PDZD2: variants seen among roughly 807,000 people sequenced by gnomAD.
PDZD2 encodes PDZ domain containing 2.
A neutral mutation model predicts 220.7 loss-of-function variants in PDZD2; 90 were observed. The ratio of observed to expected loss-of-function variants is 0.41; its 90% CI spans 0.34 to 0.49. The LOEUF (loss-of-function observed/expected upper bound fraction) is 0.49, where lower values mean the gene tolerates loss of function less well. Among genes scored for constraint, PDZD2 ranks in the 20% least tolerant of loss-of-function variants. PDZD2 has a pLI of 0.28. For missense variants in PDZD2, 3,174 were observed against 3,608.5 expected, an observed-to-expected ratio of 0.88 and a Z score of 3.08; for synonymous variants, 1,375 against 1,450.5, an observed-to-expected ratio of 0.95 and a Z score of 1.18.
chr5:31,888,136 CCTTTT>C (rs1202570533), intron 2 of PDZD2, among the ~76,000 whole-genome samples: 1 of 151,936 alleles, frequency 6.6e-6, no homozygotes, highest in Non-Finnish European at 1.5e-5. Flanking sequence ...TGTTTTGTTT[CCTTTT>C]CTTTTTCTTT....
intron 8 of PDZD2, among the ~76,000 whole-genome samples, chr5:32,049,960 G>A (rs762559082): frequency 6.6e-6 from 1 of 152,138 alleles, no homozygotes; most frequent in Non-Finnish European, 1.5e-5. Flanking sequence ...TTGAGACTGA[G>A]TCTCACTCTG....
At position 32,069,622 on chromosome 5, in the gene PDZD2, C is replaced by A; in HGVS notation, c.2505C>A (p.Ser835Arg). 6.3e-7 allele frequency: 1 copy of A among 1,576,706 alleles called. No individual in the cohort carries two copies. The highest frequency in any genetic ancestry group is 8.7e-7 in the Non-Finnish European group (1 of 1,145,814). Residue 835 changes from serine (S) to arginine (R), a missense_variant, in exon 15 of 25, where the codon AGC becomes AGA. Transcript: ENST00000438447. ...TAGCACGCAGCACTTATCAGGAGAGCAAAGAGGCCAATTCCTCTCCTGGCT... is the reference window on the plus strand; with the variant it reads ...TAGCACGCAGCACTTATCAGGAGAGAAAAGAGGCCAATTCCTCTCCTGGCT... ...EVIARSTYQESKEANSSPGLG... is the reference protein window; with the variant it reads ...EVIARSTYQERKEANSSPGLG...
chr5:32,095,889 C>T (rs283105), intron 21 of PDZD2, among the ~76,000 whole-genome samples: 2,086 of 150,800 alleles, frequency 0.014, 62 homozygotes, highest in African/African-American at 0.048. Flanking sequence ...TACTGGTGCC[C>T]GCCACCATGC....
chr5:31,876,269 G>A (rs1276232748), intron 2 of PDZD2, among the ~76,000 whole-genome samples: 1 of 149,542 alleles, frequency 6.7e-6, no homozygotes, highest in Non-Finnish European at 1.5e-5. Flanking sequence ...AAAGGAATGC[G>A]CTTGATTTTT....
chr5:31,812,932 G>T (rs538173400), intron 2 of PDZD2, among the ~76,000 whole-genome samples: 35 of 152,126 alleles, frequency 2.3e-4, no homozygotes, highest in Non-Finnish European at 5.0e-4. Flanking sequence ...AAATGACTGG[G>T]TTAACACTTT....
chr5:31,653,080 T>A (rs1037650103), intron 1 of PDZD2, among the ~76,000 whole-genome samples: 9 of 152,122 alleles, frequency 5.9e-5, no homozygotes, highest in Non-Finnish European at 1.0e-4. Flanking sequence ...TGCTGGTGAC[T>A]TGGAACTGGC....
intron 7 of PDZD2, among the ~76,000 whole-genome samples, chr5:32,043,673 G>A (rs1309176021): frequency 6.6e-6 from 1 of 152,140 alleles, no homozygotes; most frequent in African/African-American, 2.4e-5. Flanking sequence ...TGTCTCCCAG[G>A]CTGGAGCACG....
At chr5:31,791,693 T>A (rs1753741679) in intron 1 of PDZD2, among the ~76,000 whole-genome samples, 1 of 151,502 alleles carries the variant, frequency 6.6e-6, no homozygotes, top group South Asian at 2.1e-4. Context: ...TCAGTCAACA[T>A]GTAAATGACT....
chr5:31,828,027 G>A (rs1280791901), intron 2 of PDZD2, among the ~76,000 whole-genome samples: 1 of 152,180 alleles, frequency 6.6e-6, no homozygotes, highest in Non-Finnish European at 1.5e-5. Context: ...GTATGATTCA[G>A]AACTTTACTT....
At chr5:31,985,699 A>G (rs534709460) in intron 3 of PDZD2, among the ~76,000 whole-genome samples, 10 of 152,258 alleles carry the variant, frequency 6.6e-5, no homozygotes, top group African/African-American at 2.4e-4. Flanking sequence ...CTCAAAAACA[A>G]ACAAAAGCTA....
At chr5:31,813,942 C>A (rs1313522917) in intron 2 of PDZD2, among the ~76,000 whole-genome samples, 1 of 152,072 alleles carries the variant, frequency 6.6e-6, no homozygotes, top group Non-Finnish European at 1.5e-5. Flanking sequence ...CCAAGGTGGG[C>A]AGATCACTTG....
intron 21 of PDZD2, among the ~76,000 whole-genome samples, chr5:32,094,036 T>C: frequency 6.6e-6 from 1 of 151,680 alleles, no homozygotes; most frequent in Non-Finnish European, 1.5e-5. Flanking sequence ...GTGGAAGTGG[T>C]TCATCATAAA....
At chr5:31,859,615 CTTTG>C (rs1381268916) in intron 2 of PDZD2, among the ~76,000 whole-genome samples, 2 of 152,190 alleles carry the variant, frequency 1.3e-5, no homozygotes, top group Admixed American at 6.5e-5. Flanking sequence ...TCCCTGCACT[CTTTG>C]TTTCCTCTGA....
At chr5:31,717,069 C>T (rs770329433) in intron 1 of PDZD2, among the ~76,000 whole-genome samples, 3 of 151,938 alleles carry the variant, frequency 2.0e-5, no homozygotes, top group Non-Finnish European at 2.9e-5. Context: ...GGAAGTCTCT[C>T]CCCAGTCAAC....
In PDZD2 at chr5:32,089,739, T is replaced by C. The variant is rs1265623035; in HGVS notation, c.6291T>C (p.Ala2097=). The change falls in exon 20 of 25, where the codon GCT becomes GCC. Residue 2097 remains alanine, a synonymous_variant. Transcript: ENST00000438447. ...AGCTGAAAATCGTGGAGATTTCTGCTGAAGCAGTGTCAGAGACTGTATGTG... is the reference window on the plus strand; with the variant it reads ...AGCTGAAAATCGTGGAGATTTCTGCCGAAGCAGTGTCAGAGACTGTATGTG... ...TNQLKIVEIS[A]EAVSETVCGN... 2.5e-6 allele frequency: 4 copies of C among 1,614,188 alleles called. No individual in the cohort carries two copies. The highest frequency in any genetic ancestry group is 3.4e-6 in the Non-Finnish European group (4 of 1,180,034).
chr5:31,641,612 C>T (rs931303703), intron 1 of PDZD2, among the ~76,000 whole-genome samples: 4 of 151,982 alleles, frequency 2.6e-5, no homozygotes, highest in Non-Finnish European at 4.4e-5. Flanking sequence ...ACCTCAGCCT[C>T]CTGAGTAACT....
chr5:31,701,659 G>C (rs1286547228), intron 1 of PDZD2, among the ~76,000 whole-genome samples: 2 of 152,130 alleles, frequency 1.3e-5, no homozygotes, highest in Non-Finnish European at 2.9e-5. Flanking sequence ...GCCCCACACT[G>C]TGCATGGGGC....
chr5:31,799,173 G>C lies in PDZD2; in HGVS notation c.-76G>C, dbSNP rs931892191. On this transcript the variant is annotated 5_prime_UTR_variant, in exon 2 of 25. Transcript: ENST00000438447. ...AAGCTGATGATGGCCAGGGACCCCA[G>C]GGGACGTGGGGCCCTGTGGGGTCTG... 71 of 953,436 alleles carry C rather than the reference G, an allele frequency of 7.4e-5. No individual in the cohort carries two copies. Among genetic ancestry groups the C allele is most frequent in the Non-Finnish European group, 1.1e-4 (68 of 633,794 alleles). The allele number at this position is 953,436 out of a possible 1,614,324, so 59.1% of individuals were successfully genotyped here.
intron 18 of PDZD2, among the ~76,000 whole-genome samples, chr5:32,076,280 G>A (rs1437799778): frequency 7.7e-5 from 10 of 129,794 alleles, no homozygotes; most frequent in Non-Finnish European, 1.4e-4. Context: ...AGCAAGACTC[G>A]GTCTCAAGAA....
Sources: gnomAD v4.1 joint callset for allele counts (sites outside exome capture counted in the v4.1 genomes callset) on GRCh38, gnomAD v4.1.1 for gene constraint, MANE v1.5 for transcripts, NCBI Gene and HGNC (gene_info 2026-07-23, HGNC 2026-07-21) for gene names.